The following FNDC3B variants were observed in gnomAD, a reference collection of about 807,000 sequenced individuals.
The protein encoded by FNDC3B is fibronectin type III domain-containing protein 3B.
Under a neutral mutation model 151.5 loss-of-function variants are expected in FNDC3B, and 12 were observed. The observed-to-expected ratio is 0.08, with a 90% CI of 0.05 to 0.13. The LOEUF is 0.13. Among genes scored for constraint, FNDC3B ranks in the 10% least tolerant of loss-of-function variants. FNDC3B has a pLI of 1.00. For missense variants in FNDC3B, 1,214 were observed against 1,505.3 expected, an observed-to-expected ratio of 0.81 and a Z score of 3.20; for synonymous variants, 528 against 549.0, an observed-to-expected ratio of 0.96 and a Z score of 0.54.
At chr3:172,176,617 G>A (rs1723607029) in intron 3 of FNDC3B, among the ~76,000 whole-genome samples, 1 of 152,188 alleles carries the variant, frequency 6.6e-6, no homozygotes, top group South Asian at 2.1e-4. Flanking sequence ...GGATGACAAT[G>A]GTCGAATGAG....
chr3:172,121,655 T>C (rs984313320), intron 2 of FNDC3B, among the ~76,000 whole-genome samples: 2 of 152,256 alleles, frequency 1.3e-5, no homozygotes, highest in African/African-American at 4.8e-5. Flanking sequence ...TAAGTATTTA[T>C]TGAAAGAGTT....
At chr3:172,237,223 G>A (rs1342364362) in intron 4 of FNDC3B, 1 of 152,190 alleles carries the variant, frequency 6.6e-6, no homozygotes, top group Admixed American at 6.5e-5. Flanking sequence ...TGATTCTCCT[G>A]AACAGCAACA....
chr3:172,085,122 G>T (rs2108503643), intron 1 of FNDC3B, among the ~76,000 whole-genome samples: 1 of 152,272 alleles, frequency 6.6e-6, no homozygotes. Context: ...TTGAGCAAGT[G>T]GTGGGACATC....
intron 3 of FNDC3B, among the ~76,000 whole-genome samples, chr3:172,149,583 A>G (rs1008099661): frequency 9.9e-5 from 15 of 152,138 alleles, no homozygotes; most frequent in Admixed American, 3.3e-4. Context: ...AAGTGTGGGC[A>G]GATTTCAAGA....
intron 6 of FNDC3B, among the ~76,000 whole-genome samples, chr3:172,253,309 A>T (rs759087991): frequency 6.6e-6 from 1 of 152,210 alleles, no homozygotes; most frequent in Non-Finnish European, 1.5e-5. Flanking sequence ...TGTGAGCCAT[A>T]TATTTTGTTT....
intron 17 of FNDC3B, among the ~76,000 whole-genome samples, chr3:172,341,687 T>C (rs1733332132): frequency 6.6e-6 from 1 of 152,238 alleles, no homozygotes; most frequent in Non-Finnish European, 1.5e-5. Context: ...GCTGGAAAGT[T>C]GTTGCAAAAA....
intron 6 of FNDC3B, among the ~76,000 whole-genome samples, chr3:172,283,777 T>C (rs1447345530): frequency 6.6e-6 from 1 of 152,214 alleles, no homozygotes; most frequent in East Asian, 1.9e-4. Flanking sequence ...TTATATAATA[T>C]TTACAGTTTA....
At chr3:172,235,083 G>C (rs1727077157) in intron 4 of FNDC3B, among the ~76,000 whole-genome samples, 1 of 152,032 alleles carries the variant, frequency 6.6e-6, no homozygotes, top group Non-Finnish European at 1.5e-5. Flanking sequence ...AAGGAGACCA[G>C]TTTTTTCAAA....
At chr3:172,215,672 C>T (rs1013972798) in intron 3 of FNDC3B, among the ~76,000 whole-genome samples, 7 of 152,074 alleles carry the variant, frequency 4.6e-5, no homozygotes, top group Admixed American at 2.6e-4. Flanking sequence ...TGCAGTGAGC[C>T]GAGATTGCGC....
At chr3:172,111,864 G>C (rs989734415) in intron 1 of FNDC3B, among the ~76,000 whole-genome samples, 1 of 152,110 alleles carries the variant, frequency 6.6e-6, no homozygotes. Context: ...GAGCTATATG[G>C]CAATTTGTTC....
rs111736312 is a variant in FNDC3B at position 172,331,017 on chromosome 3, T to A, written c.1554+302T>A. Among the ~76,000 whole-genome samples, 185 of 152,340 alleles carry A rather than the reference T, an allele frequency of 1.2e-3. 1 individual carries two copies. Among genetic ancestry groups the A allele is most frequent in the African/African-American group, 4.4e-3 (181 of 41,578 alleles). ...AATTAACCATTTTTATCTCCACAGC[T>A]ACTATCCTTTTATGAGCCACTCATC... On this transcript the variant is annotated intron_variant, in intron 13 of 25. Coordinates refer to ENST00000415807, the MANE Select transcript of FNDC3B (RefSeq NM_022763.4).
At chr3:172,376,999 C>T (rs755238222) in intron 23 of FNDC3B, among the ~76,000 whole-genome samples, 15 of 152,224 alleles carry the variant, frequency 9.9e-5, no homozygotes, top group Non-Finnish European at 1.6e-4. Context: ...AAAACCTTGC[C>T]CACACTCAGG....
chr3:172,201,274 C>T (rs113826570), intron 3 of FNDC3B, among the ~76,000 whole-genome samples: 9 of 152,258 alleles, frequency 5.9e-5, no homozygotes, highest in African/African-American at 2.2e-4. Context: ...GTGGGGGAAG[C>T]GCAGGGTGGA....
At chr3:172,208,347 G>A (rs1725535460) in intron 3 of FNDC3B, among the ~76,000 whole-genome samples, 1 of 152,128 alleles carries the variant, frequency 6.6e-6, no homozygotes, top group African/African-American at 2.4e-5. Flanking sequence ...GTCAGAAATG[G>A]CTTTTTCAAA....
At chr3:172,214,334 A>C (rs1220699539) in intron 3 of FNDC3B, among the ~76,000 whole-genome samples, 1 of 152,226 alleles carries the variant, frequency 6.6e-6, no homozygotes, top group East Asian at 1.9e-4. Flanking sequence ...AACTATATAC[A>C]TCAAACTAAT....
At chr3:172,396,481 A>G (rs1360384282) in intron 25 of FNDC3B, among the ~76,000 whole-genome samples, 2 of 152,222 alleles carry the variant, frequency 1.3e-5, no homozygotes, top group African/African-American at 2.4e-5. Flanking sequence ...GACCAAAAAC[A>G]TAGACCTATT....
chr3:172,121,245 G>C (rs1720530393), intron 2 of FNDC3B, among the ~76,000 whole-genome samples: 1 of 152,150 alleles, frequency 6.6e-6, no homozygotes, highest in South Asian at 2.1e-4. Context: ...AATTTTTTCA[G>C]GCATGTGCAT....
rs73880149 is a variant in FNDC3B, at chr3:172,368,575, T to C, written c.3008+5730T>C. Among the ~76,000 whole-genome samples the C allele has an allele frequency of 5.3e-3, 810 of 152,356 alleles. 5 individuals are homozygous for C. The highest frequency in any genetic ancestry group is 0.019 in the African/African-American group (780 of 41,600). ...TCTCGACATGGGTATCAAATCTCTG[T>C]TGAAATCTCAGAACTGTTGCTGGGT... On this transcript the variant is annotated intron_variant, in intron 23 of 25. Coordinates refer to ENST00000415807, the MANE Select transcript of FNDC3B (RefSeq NM_022763.4).
rs781223812 is a variant in FNDC3B at position 172,397,382 on chromosome 3, T to C, written c.3522T>C (p.Pro1174=). 39 of 1,613,934 alleles carry C rather than the reference T, an allele frequency of 2.4e-5. No homozygotes were observed. Among genetic ancestry groups the C allele is most frequent in the Non-Finnish European group, 3.2e-5 (38 of 1,179,898 alleles). Residue 1174 remains proline, a synonymous_variant, in exon 26 of 26, where the codon CCT becomes CCC. Coordinates refer to ENST00000415807, the MANE Select transcript of FNDC3B (RefSeq NM_022763.4). ...ATCCCAAAATGAAGAGCATGATGCCTACTGATGAACAGTTTGCAGCCATCA... is the reference window on the plus strand; with the variant it reads ...ATCCCAAAATGAAGAGCATGATGCCCACTGATGAACAGTTTGCAGCCATCA... The part of the protein sequence containing the change: ...LDDPKMKSMM[P]TDEQFAAIIV...
Sources: gnomAD v4.1 joint callset for allele counts (sites outside exome capture counted in the v4.1 genomes callset) on GRCh38, gnomAD v4.1.1 for gene constraint, MANE v1.5 for transcripts, NCBI Gene and HGNC (gene_info 2026-07-23, HGNC 2026-07-21) for gene names.